CELSR1: variants seen among roughly 807,000 people sequenced by gnomAD.
CELSR1 encodes adhesion G protein-coupled receptor C1.
In CELSR1, 110 loss-of-function variants were observed where a neutral mutation model predicts 249.1. The ratio of observed to expected loss-of-function variants is 0.44; its 90% CI spans 0.38 to 0.52. The LOEUF (loss-of-function observed/expected upper bound fraction) is 0.52. Among genes scored for constraint, CELSR1 ranks in the 20% least tolerant of loss-of-function variants. CELSR1 has a pLI of 0.00. For synonymous variants in CELSR1, 2,113 were observed against 1,900.0 expected (o/e 1.11, Z -2.92); for missense variants, 4,109 against 4,296.4 (o/e 0.96, Z 1.22).
chr22:46,469,914 CTA>C (rs1446026949), intron 1 of CELSR1, among the ~76,000 whole-genome samples: 1 of 22,494 alleles, frequency 4.4e-5, no homozygotes, highest in Non-Finnish European at 8.5e-5. Flanking sequence ...TCCGTCACAT[CTA>C]GAACAGCTCC....
At chr22:46,377,919 G>A (rs377705687) in intron 23 of CELSR1, among the ~76,000 whole-genome samples, 1 of 152,210 alleles carries the variant, frequency 6.6e-6, no homozygotes, top group Non-Finnish European at 1.5e-5. Context: ...GTGCAACCCC[G>A]GGGAGGGGCC....
Position 46,367,768 on chromosome 22 carries a change from C to T in CELSR1, c.8040G>A (p.Leu2680=), listed in dbSNP as rs199956872. 6 of 1,609,544 alleles carry T rather than the reference C, an allele frequency of 3.7e-6. No homozygotes were observed. The highest frequency in any genetic ancestry group is 1.3e-5 in the African/African-American group (1 of 75,024). ...LGLLAVNRDA[L]SFHYLFAIFS... is the part of the protein sequence containing the mutation. ...AGATGGCGAAGAGGTAGTGAAAGCT[C>T]AGTGCATCGCGGTTCACAGCCAGCA... The change falls in exon 28 of 35, where the codon CTG becomes CTA. Residue 2680 remains leucine, a synonymous_variant. Coordinates refer to ENST00000674500, the MANE Select transcript of CELSR1 (RefSeq NM_001378328.1).
chr22:46,406,118 T>C lies in CELSR1; in HGVS notation c.5226+2878A>G, dbSNP rs918036973. On this transcript the variant is annotated intron_variant, in intron 9 of 34. Transcript: ENST00000674500. This position sits in a 1 kb window ranked among gnomAD's most constrained non-coding sequence, Gnocchi z 5.4. ...ACCATTCCTACTGAAAGCGCACTTTTTTCCTACAGAGACCCCACTGCCAAA... is the reference window on the plus strand; with the variant it reads ...ACCATTCCTACTGAAAGCGCACTTTCTTCCTACAGAGACCCCACTGCCAAA... 6.6e-6 allele frequency among the ~76,000 whole-genome samples: 1 copy of C among 152,234 alleles called. No homozygotes were observed. Among genetic ancestry groups the C allele is most frequent in the Non-Finnish European group, 1.5e-5 (1 of 68,048 alleles).
chr22:46,469,200 G>C (rs1404471583), intron 1 of CELSR1, among the ~76,000 whole-genome samples: 1 of 152,140 alleles, frequency 6.6e-6, no homozygotes, highest in East Asian at 1.9e-4. Flanking sequence ...GTGGCAGCCA[G>C]AGAGGTCTTC....
intron 2 of CELSR1, chr22:46,462,632 C>T (rs1015901187): frequency 5.0e-6 from 1 of 199,748 alleles, no homozygotes; most frequent in Non-Finnish European, 9.7e-6. Flanking sequence ...CCTGCCTAAT[C>T]CCAGAGAGCT....
At chr22:46,510,885 C>T (rs963983909) in intron 1 of CELSR1, among the ~76,000 whole-genome samples, 4 of 152,068 alleles carry the variant, frequency 2.6e-5, no homozygotes, top group South Asian at 4.1e-4. Context: ...GAGGCCCAGG[C>T]GGGTAGATCA....
Position 46,506,331 on chromosome 22 carries a change from C to A in CELSR1, c.3544+27296G>T, listed in dbSNP as rs1026803738. Among the ~76,000 whole-genome samples, 2 of 152,206 alleles carry A rather than the reference C, an allele frequency of 1.3e-5. No individual in the cohort carries two copies. Among genetic ancestry groups the A allele is most frequent in the Non-Finnish European group, 2.9e-5 (2 of 68,032 alleles). The stretch of plus-strand genomic sequence containing the variant: ...GCCTGGCCTGGGGGAGCAGCAGAGC[C>A]CCGCAGGCCCTGTTGGGGTTTGGGG... On this transcript the variant is annotated intron_variant, in intron 1 of 34. Coordinates refer to ENST00000674500, the MANE Select transcript of CELSR1 (RefSeq NM_001378328.1). The surrounding 1 kb of genome is among the most constrained non-coding windows in gnomAD (Gnocchi z 4.1).
chr22:46,379,779 C>T (rs533801478), intron 22 of CELSR1, among the ~76,000 whole-genome samples: 1 of 152,188 alleles, frequency 6.6e-6, no homozygotes, highest in Non-Finnish European at 1.5e-5. Context: ...GCACAGACGT[C>T]CCCAGATGCA....
rs2080831904 is a variant in CELSR1 at position 46,534,753 on chromosome 22, G to A, written c.2418C>T (p.Thr806=). ...VSVSEDRPVG[T]SIATLSANDE... ...CGTTGGCACTGAGGGTAGCAATGGA[G>A]GTGCCCACAGGCCTGTCCTCACTGA... Residue 806 remains threonine, a synonymous_variant, in exon 1 of 35, where the codon ACC becomes ACT. Transcript: ENST00000674500. The surrounding 1 kb of genome is among the most constrained non-coding windows in gnomAD (Gnocchi z 9.7). 1.9e-6 allele frequency: 3 copies of A among 1,613,078 alleles called. No individual in the cohort carries two copies. The highest frequency in any genetic ancestry group is 1.7e-5 in the Admixed American group (1 of 60,028).
At chr22:46,426,008 T>G (rs930375503) in intron 5 of CELSR1, among the ~76,000 whole-genome samples, 2 of 152,230 alleles carry the variant, frequency 1.3e-5, no homozygotes. Context: ...ACCTTCCTTC[T>G]TCCCTTCCTC....
At chr22:46,467,509 A>T (rs954928939) in intron 1 of CELSR1, among the ~76,000 whole-genome samples, 13 of 75,546 alleles carry the variant, frequency 1.7e-4, no homozygotes, top group Non-Finnish European at 2.9e-4. Flanking sequence ...CGAACATGTT[A>T]TATATATATA....
In CELSR1 at chr22:46,490,328, C is replaced by G. The variant is rs937045679; in HGVS notation, c.3545-25983G>C. 6.6e-6 allele frequency among the ~76,000 whole-genome samples: 1 copy of G among 152,088 alleles called. No homozygotes were observed. The highest frequency in any genetic ancestry group is 1.5e-5 in the Non-Finnish European group (1 of 68,006). On this transcript the variant is annotated intron_variant, in intron 1 of 34. Coordinates refer to ENST00000674500, the MANE Select transcript of CELSR1 (RefSeq NM_001378328.1). The surrounding 1 kb of genome is among the most constrained non-coding windows in gnomAD (Gnocchi z 5.2). ...TTGAGACAGAGTCTCGCTCTGCCAC[C>G]CAGGCTGGAGTACAGCGGCGCAATC...
chr22:46,362,712 A>ATCTCC lies in CELSR1; in HGVS notation c.*506_*510dup, dbSNP rs1428416004. ...GAGTCCCATACAAATATATAAAAGT[A>ATCTCC]TCTCCACCTTTCCCACATAGCGAAG... On this transcript the variant is annotated 3_prime_UTR_variant, in exon 35 of 35. Coordinates refer to ENST00000674500, the MANE Select transcript of CELSR1 (RefSeq NM_001378328.1). The ATCTCC allele has an allele frequency of 5.8e-6, 1 of 171,886 alleles. No homozygotes were observed. The highest frequency in any genetic ancestry group is 1.3e-5 in the Non-Finnish European group (1 of 79,268). 10.6% of individuals were successfully genotyped at this position (171,886 alleles called of 1,614,324 possible).
intron 1 of CELSR1, among the ~76,000 whole-genome samples, chr22:46,511,000 A>G (rs2080567709): frequency 6.6e-6 from 1 of 152,130 alleles, no homozygotes; most frequent in South Asian, 2.1e-4. Context: ...CTGTAATCCC[A>G]GCTACCAGGA....
intron 9 of CELSR1, among the ~76,000 whole-genome samples, chr22:46,404,108 T>C (rs927947402): frequency 3.3e-5 from 5 of 151,424 alleles, no homozygotes; most frequent in Non-Finnish European, 7.4e-5. Flanking sequence ...ACCAAAATGA[T>C]TTACTAGAAA....
intron 25 of CELSR1, chr22:46,370,291 C>T: frequency 5.4e-6 from 2 of 372,014 alleles, no homozygotes; most frequent in Non-Finnish European, 1.1e-5. Context: ...ATACCACATC[C>T]AACCACGTGC....
Position 46,537,112 on chromosome 22 carries a change from G to T in CELSR1, c.59C>A (p.Ala20Asp). ...CGCTCGCAGCCCCATCGCCGGCAGG[G>T]CGGCGGCGGCGGCCAGGAGCAGCAG... ...PVLLLLAAAA[A>D]LPAMGLRAAA... is the part of the protein sequence containing the mutation. The change falls in exon 1 of 35, where the codon GCC becomes GAC. Residue 20 changes from alanine (A) to aspartate (D), a missense_variant. Coordinates refer to ENST00000674500, the MANE Select transcript of CELSR1 (RefSeq NM_001378328.1). The surrounding 1 kb of genome is among the most constrained non-coding windows in gnomAD (Gnocchi z 5.8). The T allele has an allele frequency of 9.7e-7, 1 of 1,032,996 alleles. No individual in the cohort carries two copies. The allele number at this position is 1,032,996 out of a possible 1,614,324, so 64.0% of individuals were successfully genotyped here. A position where few individuals can be genotyped will look rare whatever the true frequency, so the allele number is the denominator to read the frequency against.
In CELSR1 at chr22:46,502,935, G is replaced by A. The variant is rs1021082263; in HGVS notation, c.3544+30692C>T. Among the ~76,000 whole-genome samples the A allele has an allele frequency of 2.6e-5, 4 of 152,216 alleles. No homozygotes were observed. The East Asian group carries it at 7.7e-4, about 29-fold the overall frequency. On this transcript the variant is annotated intron_variant, in intron 1 of 34. Transcript: ENST00000674500. Reference sequence around the variant, plus strand: ...GGGAGACAGCAAGCTGCACAAGAGTGTGCACCCCGGGAGCAGGTCCCCGCA... The same window carrying A: ...GGGAGACAGCAAGCTGCACAAGAGTATGCACCCCGGGAGCAGGTCCCCGCA...
rs1314157402 is a variant in CELSR1, at chr22:46,410,409, C to A, written c.4922G>T (p.Gly1641Val). Residue 1641 changes from glycine (G) to valine (V), a missense_variant, in exon 7 of 35, where the codon GGC (glycine) becomes GTC (valine). Coordinates refer to ENST00000674500, the MANE Select transcript of CELSR1 (RefSeq NM_001378328.1). The surrounding 1 kb of genome is among the most constrained non-coding windows in gnomAD (Gnocchi z 6.8). ...VDMAGFIANN[G>V]TREGCAARRN... ...ACGGCCACCCGTACCTTCCCGGGTGCCATTGTTGGCGATGAATCCGGCCAT... is the reference window on the plus strand; with the variant it reads ...ACGGCCACCCGTACCTTCCCGGGTGACATTGTTGGCGATGAATCCGGCCAT... The A allele has an allele frequency of 6.2e-7, 1 of 1,613,680 alleles. No homozygotes were observed. Among genetic ancestry groups the A allele is most frequent in the South Asian group, 1.1e-5 (1 of 91,086 alleles).
Sources: gnomAD v4.1 joint callset for allele counts (sites outside exome capture counted in the v4.1 genomes callset) on GRCh38, gnomAD v4.1.1 for gene constraint, Gnocchi (gnomAD v3.1) non-coding constraint, MANE v1.5 for transcripts, NCBI Gene and HGNC (gene_info 2026-07-23, HGNC 2026-07-21) for gene names.